Variants in NNT observed in about 807,000 individuals in gnomAD.
NNT encodes the protein NAD(P) transhydrogenase, mitochondrial.
Under a neutral mutation model 104.8 loss-of-function variants are expected in NNT, and 50 were observed. The observed-to-expected ratio is 0.48, with a 90% CI of 0.38 to 0.60. NNT has a LOEUF of 0.60. Among genes scored for constraint, NNT ranks in the 20% least tolerant of loss-of-function variants. The probability of loss-of-function intolerance (pLI) is 0.00; values close to 1 mark genes in which losing one functional copy is unlikely to be tolerated. For synonymous variants in NNT, 461 were observed against 490.4 expected (o/e 0.94, Z 0.79); for missense variants, 1,131 against 1,330.7 (o/e 0.85, Z 2.33).
rs2112277754 is a variant in NNT, at chr5:43,705,555, G to A, written c.*1151G>A. 6.6e-6 allele frequency: 1 copy of A among 152,152 alleles called. No homozygotes were observed. Among genetic ancestry groups the A allele is most frequent in the Admixed American group, 6.5e-5 (1 of 15,290 alleles). The allele number at this position is 152,152 out of a possible 1,614,324, so 9.4% of individuals were successfully genotyped here. On this transcript the variant is annotated 3_prime_UTR_variant, in exon 22 of 22. Transcript: ENST00000344920. ...AAGCTCTAAATATAGGTGAATGTGT[G>A]ATGAATACTCAGATTATTTGTCTCT...
Position 43,704,385 on chromosome 5 carries a change from G to A in NNT, c.3242G>A (p.Arg1081Lys). 1 of 1,613,672 alleles carries A rather than the reference G, an allele frequency of 6.2e-7. No individual in the cohort carries two copies. The highest frequency in any genetic ancestry group is 8.5e-7 in the Non-Finnish European group (1 of 1,179,702). Residue 1081 changes from arginine (R) to lysine (K), a missense_variant, in exon 22 of 22, where the codon AGA (arginine) becomes AAA (lysine). Arg to Lys is a conservative substitution (Grantham distance 26). Coordinates refer to ENST00000344920, the MANE Select transcript of NNT (RefSeq NM_182977.3). ...TGTGACGCGCTCCAGGCGAAAGTTA[G>A]AGAATCCTATCAGAAGTAAATATTA... ...KTCDALQAKVRESYQK is the reference protein window; with the variant it reads ...KTCDALQAKVKESYQK
At chr5:43,702,021 C>G (rs1223660086) in intron 20 of NNT, among the ~76,000 whole-genome samples, 1 of 151,960 alleles carries the variant, frequency 6.6e-6, no homozygotes, top group East Asian at 1.9e-4. Flanking sequence ...CTGTCCAATG[C>G]ATGCATAATT....
At chr5:43,689,978 TA>T (rs943690191) in intron 19 of NNT, among the ~76,000 whole-genome samples, 20 of 150,418 alleles carry the variant, frequency 1.3e-4, no homozygotes, top group Admixed American at 5.3e-4. Flanking sequence ...AAAAAAGCAT[TA>T]AAAAAAAATG....
Position 43,628,320 on chromosome 5 carries a change from T to G in NNT, c.897T>G (p.Ala299=), listed in dbSNP as rs542033446. The part of the protein sequence containing the change: ...AKEMSKEFIE[A]EMKLFAQQCK... Reference sequence around the variant, plus strand: ...AGATGTCCAAAGAGTTCATTGAAGCTGAAATGAAACTCTTTGCTCAACAAT... The same window carrying G: ...AGATGTCCAAAGAGTTCATTGAAGCGGAAATGAAACTCTTTGCTCAACAAT... The change falls in exon 7 of 22, where the codon GCT becomes GCG. Residue 299 remains alanine (A), a synonymous_variant. Coordinates refer to ENST00000344920, the MANE Select transcript of NNT (RefSeq NM_182977.3). The G allele has an allele frequency of 2.3e-5, 37 of 1,613,970 alleles. No homozygotes were observed. In the African/African-American group the frequency reaches 4.4e-4, roughly 19 times the overall value.
intron 16 of NNT, among the ~76,000 whole-genome samples, chr5:43,658,205 C>A (rs10462054): frequency 0.034 from 5,142 of 152,102 alleles, 134 homozygotes; most frequent in East Asian, 0.12. Flanking sequence ...GAAGCAGTGA[C>A]TATGATATTT....
intron 20 of NNT, among the ~76,000 whole-genome samples, chr5:43,701,454 G>A (rs1038253265): frequency 5.9e-5 from 9 of 152,152 alleles, no homozygotes; most frequent in African/African-American, 4.8e-5. Flanking sequence ...TGGCACATAT[G>A]TACCATATTT....
Position 43,706,988 on chromosome 5 carries a change from G to A in NNT, c.*2584G>A, listed in dbSNP as rs1471884547. The A allele has an allele frequency of 2.6e-5, 4 of 152,224 alleles. No individual in the cohort carries two copies. The highest frequency in any genetic ancestry group is 5.9e-5 in the Non-Finnish European group (4 of 68,090). 9.4% of individuals were successfully genotyped at this position (152,224 alleles called of 1,614,324 possible). A position where few individuals can be genotyped will look rare whatever the true frequency, so the allele number is the denominator to read the frequency against. On this transcript the variant is annotated 3_prime_UTR_variant, in exon 22 of 22. Coordinates refer to ENST00000344920, the MANE Select transcript of NNT (RefSeq NM_182977.3). ...CCTGTCATGGGGTGGGGGGAGTGGG[G>A]AGGGATAGCATTAGGAGATATACCT... is the stretch of plus-strand genomic sequence containing the variant.
In NNT at chr5:43,705,248, T is replaced by C. The variant is rs760421909; in HGVS notation, c.*844T>C. On this transcript the variant is annotated 3_prime_UTR_variant, in exon 22 of 22. Transcript: ENST00000344920. Reference sequence around the variant, plus strand: ...TCATGTTGGCAAGTGATGTGGCAATTATCTCTGGTGACAAAAGAGTAAAAT... The same window carrying C: ...TCATGTTGGCAAGTGATGTGGCAATCATCTCTGGTGACAAAAGAGTAAAAT... 1 of 152,182 alleles carries C rather than the reference T, an allele frequency of 6.6e-6. No individual in the cohort carries two copies. The highest frequency in any genetic ancestry group is 1.5e-5 in the Non-Finnish European group (1 of 68,006). 9.4% of individuals were successfully genotyped at this position (152,182 alleles called of 1,614,324 possible). A position where few individuals can be genotyped will look rare whatever the true frequency, so the allele number is the denominator to read the frequency against.
intron 19 of NNT, among the ~76,000 whole-genome samples, chr5:43,698,852 GCA>G (rs994742046): frequency 5.4e-5 from 8 of 147,582 alleles, no homozygotes; most frequent in East Asian, 2.0e-4. Flanking sequence ...GCACACACAT[GCA>G]CACACACACA....
intron 5 of NNT, among the ~76,000 whole-genome samples, chr5:43,620,782 C>T (rs1393465856): frequency 6.6e-6 from 1 of 152,158 alleles, no homozygotes; most frequent in Non-Finnish European, 1.5e-5. Context: ...AAATGTCTGG[C>T]ATGCATAGTG....
chr5:43,694,336 G>T (rs1482492361), intron 19 of NNT, among the ~76,000 whole-genome samples: 4 of 152,206 alleles, frequency 2.6e-5, no homozygotes, highest in African/African-American at 7.2e-5. Context: ...GTGGTGAGAA[G>T]AGGGCATCCT....
intron 11 of NNT, 88 bp from the exon 12 acceptor site, chr5:43,650,389 G>T: frequency 1.1e-6 from 1 of 898,290 alleles, no homozygotes; most frequent in Non-Finnish European, 1.8e-6. Flanking sequence ...TACCCTCTAT[G>T]AATCTATGTA....
At position 43,651,727 on chromosome 5, in the gene NNT, TG is replaced by T. The variant is rs1739776557; in HGVS notation, c.1718-10del. 1 of 1,613,664 alleles carries T rather than the reference TG, an allele frequency of 6.2e-7. No homozygotes were observed. On this transcript the variant is annotated splice_polypyrimidine_tract_variant and intron_variant, in intron 12 of 21. Coordinates refer to ENST00000344920, the MANE Select transcript of NNT (RefSeq NM_182977.3). ...GAGGTACTATGTTTTTTATTTCCTT[TG>T]GTTTGCTAAGGTGGCTTTCTGGTGA...
At chr5:43,693,335 G>A (rs1189537978) in intron 19 of NNT, among the ~76,000 whole-genome samples, 1 of 152,120 alleles carries the variant, frequency 6.6e-6, no homozygotes, top group Non-Finnish European at 1.5e-5. Context: ...CATATGAAAA[G>A]ATATTTATGT....
At chr5:43,668,740 T>C (rs1740863573) in intron 17 of NNT, among the ~76,000 whole-genome samples, 1 of 152,250 alleles carries the variant, frequency 6.6e-6, no homozygotes, top group Non-Finnish European at 1.5e-5. Flanking sequence ...TTCTTTTGGC[T>C]TAGGATTGAC....
chr5:43,650,109 A>T (rs1363983928), intron 11 of NNT, among the ~76,000 whole-genome samples: 2 of 152,370 alleles, frequency 1.3e-5, no homozygotes, highest in African/African-American at 4.8e-5. Flanking sequence ...CATGCAAATT[A>T]TCTACCAGGG....
intron 5 of NNT, among the ~76,000 whole-genome samples, chr5:43,623,298 A>G (rs1180361523): frequency 6.6e-6 from 1 of 152,120 alleles, no homozygotes; most frequent in African/African-American, 2.4e-5. Context: ...TTGACTGTTT[A>G]TGGGATATAT....
At chr5:43,664,916 C>G (rs1299668499) in intron 17 of NNT, among the ~76,000 whole-genome samples, 2 of 152,156 alleles carry the variant, frequency 1.3e-5, no homozygotes, top group Non-Finnish European at 2.9e-5. Flanking sequence ...AACAAGTTGA[C>G]TATGATGGTT....
intron 15 of NNT, 42 bp downstream of exon 15, chr5:43,656,115 T>G: frequency 6.8e-7 from 1 of 1,468,088 alleles, no homozygotes; most frequent in Non-Finnish European, 9.5e-7. Flanking sequence ...ATCTACTGTT[T>G]AGGGCATTTA....
Sources: allele counts gnomAD v4.1 joint callset (sites outside exome capture counted in the v4.1 genomes callset), GRCh38; gene constraint gnomAD v4.1.1; transcripts MANE v1.5; gene names NCBI Gene and HGNC (gene_info 2026-07-23, HGNC 2026-07-21).